Variants in CACNA2D1 observed in about 807,000 individuals in gnomAD.
CACNA2D1 encodes the protein voltage-dependent calcium channel subunit alpha-2/delta-1.
A neutral mutation model predicts 171.5 loss-of-function variants in CACNA2D1; 53 were observed. That is an observed-to-expected ratio of 0.31 (90% confidence interval 0.25 to 0.39). CACNA2D1 has a LOEUF of 0.39. Ranked by LOEUF, CACNA2D1 falls within the 10% of genes least tolerant of loss-of-function variation. The pLI is 1.00. For missense variants in CACNA2D1, 903 were observed against 1,299.8 expected, an observed-to-expected ratio of 0.69 and a Z score of 4.69; for synonymous variants, 442 against 443.1, an observed-to-expected ratio of 1.00 and a Z score of 0.03.
chr7:82,439,951 T>G (rs1009980336), intron 1 of CACNA2D1, among the ~76,000 whole-genome samples: 1 of 151,916 alleles, frequency 6.6e-6, no homozygotes, highest in Admixed American at 6.5e-5. Flanking sequence ...AGAATAATTA[T>G]GTCACTTATA....
chr7:82,228,334 CT>C (rs1377159058), intron 3 of CACNA2D1, among the ~76,000 whole-genome samples: 2 of 152,106 alleles, frequency 1.3e-5, no homozygotes, highest in Non-Finnish European at 2.9e-5. Flanking sequence ...TGATAATAGG[CT>C]GCCTGGTGAG....
chr7:81,961,381 C>A (rs1794096642), intron 36 of CACNA2D1, among the ~76,000 whole-genome samples: 1 of 151,644 alleles, frequency 6.6e-6, no homozygotes, highest in African/African-American at 2.4e-5. Context: ...CCTTCAAATT[C>A]AAATAAAGAT....
At chr7:82,026,690 T>C (rs1372204286) in intron 12 of CACNA2D1, among the ~76,000 whole-genome samples, 1 of 151,720 alleles carries the variant, frequency 6.6e-6, no homozygotes, top group African/African-American at 2.4e-5. Flanking sequence ...GGTGGGTGTG[T>C]GTACAGCAGG....
chr7:82,231,772 G>C (rs182567561), intron 3 of CACNA2D1, among the ~76,000 whole-genome samples: 15 of 152,048 alleles, frequency 9.9e-5, no homozygotes, highest in Admixed American at 8.5e-4. Context: ...ACTGTAGCCC[G>C]ATAAATGTTT....
intron 3 of CACNA2D1, among the ~76,000 whole-genome samples, chr7:82,210,533 G>A (rs1800446180): frequency 6.6e-6 from 1 of 152,154 alleles, no homozygotes; most frequent in Admixed American, 6.5e-5. Flanking sequence ...TAAAGTTTTA[G>A]ATTATTGGAT....
At chr7:81,962,607 G>T in intron 34 of CACNA2D1, 112 bp from the exon 35 acceptor site, 1 of 715,558 alleles carries the variant, frequency 1.4e-6, no homozygotes, top group Non-Finnish European at 2.4e-6. Context: ...AGAAAGTCTT[G>T]GAGTGTTTTT....
intron 3 of CACNA2D1, among the ~76,000 whole-genome samples, chr7:82,259,715 CA>C (rs1806829679): frequency 6.6e-6 from 1 of 152,178 alleles, no homozygotes; most frequent in African/African-American, 2.4e-5. Context: ...GAGACAGGAA[CA>C]GGGGCCCTTC....
At chr7:82,229,509 G>T (rs74758057) in intron 3 of CACNA2D1, among the ~76,000 whole-genome samples, 3,047 of 151,416 alleles carry the variant, frequency 0.02, 210 homozygotes, top group Admixed American at 0.12. Context: ...TTATTTTTTT[G>T]GTCTCTGCTT....
intron 3 of CACNA2D1, among the ~76,000 whole-genome samples, chr7:82,315,102 A>C (rs1037690731): frequency 1.3e-5 from 2 of 150,872 alleles, no homozygotes; most frequent in Non-Finnish European, 2.9e-5. Flanking sequence ...GTGCCACTGC[A>C]CTCCAGCCTG....
At position 81,974,320 on chromosome 7, in the gene CACNA2D1, A is replaced by AT. The variant is rs1443965829; in HGVS notation, c.2053+134dup. 4.1e-5 allele frequency: 23 copies of AT among 557,048 alleles called. No individual in the cohort carries two copies. The South Asian group carries it at 5.2e-4, about 13-fold the overall frequency. 34.5% of individuals were successfully genotyped at this position (557,048 alleles called of 1,614,324 possible). On this transcript the variant is annotated intron_variant, in intron 25 of 38. Coordinates refer to ENST00000356860, the MANE Select transcript of CACNA2D1 (RefSeq NM_000722.4). ...GCAAAATTAAGGATCAAATTGTTAC[A>AT]TTTTACTATTAAAAAGTTGTAAAGT...
At chr7:82,078,465 T>C (rs747582532) in intron 7 of CACNA2D1, among the ~76,000 whole-genome samples, 4 of 152,188 alleles carry the variant, frequency 2.6e-5, no homozygotes, top group Non-Finnish European at 5.9e-5. Context: ...TTGATAGCTA[T>C]TGAAAGCAGT....
intron 1 of CACNA2D1, among the ~76,000 whole-genome samples, chr7:82,383,006 C>A (rs1823881934): frequency 6.6e-6 from 1 of 152,098 alleles, no homozygotes; most frequent in South Asian, 2.1e-4. Flanking sequence ...ATTGTGATTT[C>A]TTCTAAATCT....
intron 10 of CACNA2D1, among the ~76,000 whole-genome samples, chr7:82,046,856 G>T (rs1180522901): frequency 6.6e-6 from 1 of 152,054 alleles, no homozygotes; most frequent in Non-Finnish European, 1.5e-5. Flanking sequence ...CTCAAATCAT[G>T]ATGTAACCTA....
intron 6 of CACNA2D1, 47 bp downstream of exon 6, chr7:82,116,996 CA>C (rs777766216): frequency 3.0e-5 from 48 of 1,604,072 alleles, no homozygotes; most frequent in Admixed American, 2.0e-4. Context: ...AAACATAAGA[CA>C]GGCGAGAGCA....
intron 5 of CACNA2D1, among the ~76,000 whole-genome samples, chr7:82,132,861 G>A (rs984621915): frequency 2.0e-5 from 3 of 152,092 alleles, no homozygotes; most frequent in African/African-American, 4.8e-5. Context: ...TTAGCATTAT[G>A]TTCTAAAGCA....
chr7:82,073,302 A>C (rs1045971381), intron 7 of CACNA2D1, among the ~76,000 whole-genome samples: 1 of 151,784 alleles, frequency 6.6e-6, no homozygotes, highest in Non-Finnish European at 1.5e-5. Context: ...CTACTCTAAA[A>C]CTCTCTTTCA....
At chr7:82,182,984 C>T (rs1248643108) in intron 3 of CACNA2D1, among the ~76,000 whole-genome samples, 2 of 148,736 alleles carry the variant, frequency 1.3e-5, no homozygotes, top group African/African-American at 5.0e-5. Flanking sequence ...ATGCAGTAAG[C>T]GGAGATTGCA....
At chr7:82,428,349 T>C (rs887806668) in intron 1 of CACNA2D1, among the ~76,000 whole-genome samples, 1 of 101,598 alleles carries the variant, frequency 9.8e-6, no homozygotes, top group Admixed American at 8.4e-5. Flanking sequence ...ACAAAAGCCA[T>C]GACACAAGCA....
chr7:82,418,376 G>A (rs1032220687), intron 1 of CACNA2D1, among the ~76,000 whole-genome samples: 1 of 152,044 alleles, frequency 6.6e-6, no homozygotes, highest in African/African-American at 2.4e-5. Flanking sequence ...AATAAGAGTA[G>A]AATGCATCTG....
Sources: gnomAD v4.1 joint callset for allele counts (sites outside exome capture counted in the v4.1 genomes callset) on GRCh38, gnomAD v4.1.1 for gene constraint, MANE v1.5 for transcripts, NCBI Gene and HGNC (gene_info 2026-07-23, HGNC 2026-07-21) for gene names.